The following NCAM2 variants were observed in gnomAD, a reference collection of about 807,000 sequenced individuals.
The protein encoded by NCAM2 is N-CAM-2.
In NCAM2, 30 loss-of-function variants were observed where a neutral mutation model predicts 98.1. The ratio of observed to expected loss-of-function variants is 0.31; its 90% CI spans 0.23 to 0.41. The LOEUF (loss-of-function observed/expected upper bound fraction) is 0.41. NCAM2 is among the 10% of genes least tolerant of loss of function. The pLI is 1.00. For synonymous variants in NCAM2, 368 were observed against 342.4 expected (o/e 1.07, Z -0.83); for missense variants, 867 against 1,005.8 (o/e 0.86, Z 1.87).
intron 9 of NCAM2, among the ~76,000 whole-genome samples, chr21:21,390,450 G>A (rs140623590): frequency 1.1e-3 from 167 of 152,212 alleles, no homozygotes; most frequent in African/African-American, 3.9e-3. Context: ...TTGCTTCAGA[G>A]CTGAGAATAG....
chr21:21,147,412 T>A (rs2067311212), intron 1 of NCAM2, among the ~76,000 whole-genome samples: 1 of 152,016 alleles, frequency 6.6e-6, no homozygotes. Flanking sequence ...TGATTTCATT[T>A]AATTTTTTAT....
intron 1 of NCAM2, among the ~76,000 whole-genome samples, chr21:21,095,704 T>TA (rs1215169271): frequency 1.3e-5 from 2 of 151,668 alleles, no homozygotes; most frequent in Non-Finnish European, 3.0e-5. Flanking sequence ...GTGAATATAA[T>TA]AAAAACAGTA....
intron 1 of NCAM2, among the ~76,000 whole-genome samples, chr21:21,144,272 C>T (rs1439206820): frequency 6.6e-6 from 1 of 151,504 alleles, no homozygotes; most frequent in African/African-American, 2.4e-5. Flanking sequence ...TTGCTTGAAC[C>T]CAGGAGGTGG....
chr21:21,536,271 T>A (rs1989977224), intron 17 of NCAM2, among the ~76,000 whole-genome samples: 1 of 152,136 alleles, frequency 6.6e-6, no homozygotes, highest in African/African-American at 2.4e-5. Flanking sequence ...GTTTTACCCT[T>A]CTCATTCAAA....
chr21:21,204,175 T>C (rs1660760719), intron 1 of NCAM2, among the ~76,000 whole-genome samples: 1 of 152,158 alleles, frequency 6.6e-6, no homozygotes, highest in Non-Finnish European at 1.5e-5. Context: ...TATAAGTGAT[T>C]CTACCTTTAT....
At chr21:21,244,397 CT>C in intron 1 of NCAM2, among the ~76,000 whole-genome samples, 1 of 152,250 alleles carries the variant, frequency 6.6e-6, no homozygotes, top group South Asian at 2.1e-4. Flanking sequence ...CCATCATAAA[CT>C]CTCAGGTACC....
At chr21:21,277,096 T>C (rs1208939641) in intron 1 of NCAM2, among the ~76,000 whole-genome samples, 1 of 152,122 alleles carries the variant, frequency 6.6e-6, no homozygotes, top group Non-Finnish European at 1.5e-5. Flanking sequence ...AGGTCAGTGG[T>C]AGGCATTAAG....
intron 10 of NCAM2, among the ~76,000 whole-genome samples, chr21:21,418,232 TAATG>T (rs1311933588): frequency 6.6e-6 from 1 of 152,078 alleles, no homozygotes; most frequent in Admixed American, 6.6e-5. Flanking sequence ...TTTGTTTACT[TAATG>T]AATTAATAGA....
At chr21:21,530,125 T>C (rs867757347) in intron 16 of NCAM2, among the ~76,000 whole-genome samples, 34 of 144,306 alleles carry the variant, frequency 2.4e-4, no homozygotes, top group African/African-American at 8.0e-4. Context: ...TTAATTTAAT[T>C]ATATATGATT....
At chr21:21,335,430 G>C in intron 6 of NCAM2, 75 bp from the exon 7 acceptor site, 1 of 1,296,854 alleles carries the variant, frequency 7.7e-7, no homozygotes, top group Non-Finnish European at 1.0e-6. Flanking sequence ...AATGCCTATA[G>C]ATTAAAAAGT....
chr21:21,106,378 T>C (rs1645305656), intron 1 of NCAM2, among the ~76,000 whole-genome samples: 3 of 150,972 alleles, frequency 2.0e-5, no homozygotes, highest in South Asian at 2.1e-4. Context: ...AAATATGATG[T>C]TTCTTTCTTT....
At chr21:21,127,425 A>G (rs368490227) in intron 1 of NCAM2, among the ~76,000 whole-genome samples, 45 of 152,204 alleles carry the variant, frequency 3.0e-4, no homozygotes, top group African/African-American at 9.4e-4. Context: ...CTGGTTATCT[A>G]TCATCTCAAA....
intron 9 of NCAM2, among the ~76,000 whole-genome samples, chr21:21,406,992 A>G (rs1362482257): frequency 6.6e-6 from 1 of 152,050 alleles, no homozygotes; most frequent in African/African-American, 2.4e-5. Flanking sequence ...TTTCCCCTGT[A>G]TGTGTTTCTC....
chr21:21,313,124 C>T (rs1412279101), intron 5 of NCAM2, among the ~76,000 whole-genome samples: 3 of 151,724 alleles, frequency 2.0e-5, no homozygotes, highest in Admixed American at 2.0e-4. Flanking sequence ...TTTTTTCATC[C>T]TGAGTCTTGC....
intron 1 of NCAM2, among the ~76,000 whole-genome samples, chr21:21,014,841 C>T (rs2064276111): frequency 6.6e-6 from 1 of 152,158 alleles, no homozygotes; most frequent in African/African-American, 2.4e-5. Context: ...ATTCTAGATG[C>T]CATTAAGAAC....
chr21:21,458,048 A>G (rs1479268104), intron 12 of NCAM2, among the ~76,000 whole-genome samples: 1 of 152,150 alleles, frequency 6.6e-6, no homozygotes, highest in East Asian at 1.9e-4. Flanking sequence ...TAGAGCTGCC[A>G]CTCCCATCAC....
intron 4 of NCAM2, among the ~76,000 whole-genome samples, chr21:21,291,766 T>A (rs2073305143): frequency 6.6e-6 from 1 of 151,854 alleles, no homozygotes; most frequent in Non-Finnish European, 1.5e-5. Context: ...AGTTTGCACA[T>A]CTGTGATACC....
chr21:21,435,764 A>G (rs913508482), intron 12 of NCAM2, among the ~76,000 whole-genome samples: 1 of 152,168 alleles, frequency 6.6e-6, no homozygotes, highest in East Asian at 1.9e-4. Context: ...GATTAAGAGT[A>G]CCTGTGTAAT....
intron 1 of NCAM2, among the ~76,000 whole-genome samples, chr21:21,199,834 G>T (rs1160451109): frequency 6.6e-6 from 1 of 151,958 alleles, no homozygotes; most frequent in Non-Finnish European, 1.5e-5. Context: ...AGCTATTTAT[G>T]TCACATCTCG....
Sources: allele counts gnomAD v4.1 joint callset (sites outside exome capture counted in the v4.1 genomes callset), GRCh38; gene constraint gnomAD v4.1.1; transcripts MANE v1.5; gene names NCBI Gene and HGNC (gene_info 2026-07-23, HGNC 2026-07-21).